The following EPHB1 variants were observed in gnomAD, a reference collection of about 807,000 sequenced individuals.
EPHB1 encodes ephrin type-B receptor 1.
Under a neutral mutation model 94.4 loss-of-function variants are expected in EPHB1, and 30 were observed. The observed-to-expected ratio is 0.32, with a 90% confidence interval of 0.24 to 0.43. The LOEUF (loss-of-function observed/expected upper bound fraction) is 0.43, where lower values mean the gene tolerates loss of function less well. Among genes scored for constraint, EPHB1 ranks in the 20% least tolerant of loss-of-function variants. The pLI, the probability that EPHB1 is intolerant of heterozygous loss-of-function variation, is 1.00. For synonymous variants in EPHB1, 522 were observed against 489.1 expected (o/e 1.07, Z -0.89); for missense variants, 1,055 against 1,308.3 (o/e 0.81, Z 2.99).
intron 1 of EPHB1, chr3:134,823,778 G>T (rs2036425272): frequency 1.3e-5 from 2 of 152,248 alleles, no homozygotes; most frequent in Admixed American, 1.3e-4. Context: ...TCAATACAAA[G>T]AAATTTTATT....
At position 134,951,638 on chromosome 3, in the gene EPHB1, G is replaced by A. The variant is rs1933033845; in HGVS notation, c.391G>A (p.Glu131Lys). The A allele has an allele frequency of 6.2e-7, 1 of 1,613,988 alleles. No homozygotes were observed. The highest frequency in any genetic ancestry group is 8.5e-7 in the Non-Finnish European group (1 of 1,179,998). ...CACCAAGAAGTCAGCCTTCTGGTCT[G>A]AGGCCCCCTACCTCAAAGTAGACAC... ...IATKKSAFWS[E>K]APYLKVDTIA... The change falls in exon 3 of 16, where the codon GAG becomes AAG. Residue 131 changes from glutamate (E) to lysine (K), a missense_variant. Transcript: ENST00000398015. This position sits in a 1 kb window ranked among gnomAD's most constrained non-coding sequence, Gnocchi z 4.5.
intron 1 of EPHB1, among the ~76,000 whole-genome samples, chr3:134,899,569 A>G (rs2038157116): frequency 1.3e-5 from 2 of 152,322 alleles, no homozygotes; most frequent in South Asian, 2.1e-4. Context: ...CTTTCTAAAT[A>G]TAGTGTTTAT....
At chr3:135,196,200 A>G in intron 11 of EPHB1, among the ~76,000 whole-genome samples, 1 of 150,864 alleles carries the variant, frequency 6.6e-6, no homozygotes, top group South Asian at 2.1e-4. Flanking sequence ...TTTTCTTGTA[A>G]ATTTGTTTGA....
At chr3:135,133,245 G>T (rs1940490425) in intron 5 of EPHB1, among the ~76,000 whole-genome samples, 196 bp downstream of exon 5, 1 of 152,258 alleles carries the variant, frequency 6.6e-6, no homozygotes, top group East Asian at 1.9e-4. Flanking sequence ...AGAATGAGCT[G>T]CAGACTAGGG....
chr3:135,105,945 C>T (rs1456272283), intron 3 of EPHB1, among the ~76,000 whole-genome samples: 1 of 152,216 alleles, frequency 6.6e-6, no homozygotes, highest in African/African-American at 2.4e-5. Context: ...TAATACATCT[C>T]ATAGTGTGTT....
rs1320801657 is a variant in EPHB1 at position 135,166,046 on chromosome 3, C to T, written c.1664C>T (p.Ser555Phe). The change falls in exon 8 of 16, where the codon TCC becomes TTC. Residue 555 changes from serine (S) to phenylalanine (F), a missense_variant. Ser to Phe is a radical substitution (Grantham distance 155, BLOSUM62 -2). Coordinates refer to ENST00000398015, the MANE Select transcript of EPHB1 (RefSeq NM_004441.5). ...SAAAGVVFVV[S>F]LVAISIVCSR... is the part of the protein sequence containing the mutation. ...GCGGCCGGGGTCGTGTTCGTTGTGT[C>T]CTTGGTGGCCATCTCTATCGTCTGT... 6.2e-7 allele frequency: 1 copy of T among 1,613,850 alleles called. No individual in the cohort carries two copies. Among genetic ancestry groups the T allele is most frequent in the Admixed American group, 1.7e-5 (1 of 60,016 alleles).
At chr3:135,207,739 C>T (rs777034547) in intron 12 of EPHB1, among the ~76,000 whole-genome samples, 4 of 152,260 alleles carry the variant, frequency 2.6e-5, no homozygotes, top group East Asian at 1.9e-4. Flanking sequence ...GCTTAAACAG[C>T]GGTCATTTAT....
At chr3:134,916,858 C>A (rs2038584913) in intron 1 of EPHB1, among the ~76,000 whole-genome samples, 1 of 152,222 alleles carries the variant, frequency 6.6e-6, no homozygotes, top group South Asian at 2.1e-4. Flanking sequence ...AGAATGGGTG[C>A]TGAGGCCGAG....
intron 3 of EPHB1, among the ~76,000 whole-genome samples, chr3:134,998,691 G>A (rs113881009): frequency 9.8e-5 from 15 of 152,302 alleles, no homozygotes; most frequent in African/African-American, 3.4e-4. Flanking sequence ...TTAATATATT[G>A]CGTTAAATCA....
intron 3 of EPHB1, among the ~76,000 whole-genome samples, chr3:135,010,720 C>T (rs896724251): frequency 7.2e-5 from 11 of 152,130 alleles, no homozygotes; most frequent in African/African-American, 1.2e-4. Flanking sequence ...AGCGCCACCA[C>T]GCCTAGCTAA....
intron 1 of EPHB1, among the ~76,000 whole-genome samples, chr3:134,820,848 TAGTC>T (rs2036366645): frequency 6.6e-6 from 1 of 152,192 alleles, no homozygotes; most frequent in Non-Finnish European, 1.5e-5. Flanking sequence ...GGGTTTGTAT[TAGTC>T]AGAGTTTTCC....
At chr3:135,002,193 C>A (rs253879) in intron 3 of EPHB1, among the ~76,000 whole-genome samples, 31,055 of 151,984 alleles carry the variant, frequency 0.2, 5,549 homozygotes, top group African/African-American at 0.49. Context: ...CCCAAATCTC[C>A]TCTCAAATTG....
At chr3:134,985,294 G>A (rs1934558292) in intron 3 of EPHB1, among the ~76,000 whole-genome samples, 1 of 152,042 alleles carries the variant, frequency 6.6e-6, no homozygotes, top group Admixed American at 6.6e-5. Context: ...GAGTAGCTGG[G>A]ACTACAGGTG....
intron 3 of EPHB1, among the ~76,000 whole-genome samples, chr3:135,039,203 T>C (rs980590591): frequency 1.3e-5 from 2 of 151,544 alleles, no homozygotes; most frequent in Admixed American, 1.3e-4. Flanking sequence ...GACATAAAGG[T>C]TCTCCACGTC....
intron 3 of EPHB1, among the ~76,000 whole-genome samples, chr3:135,088,209 C>A (rs896893876): frequency 6.6e-6 from 1 of 152,084 alleles, no homozygotes; most frequent in Non-Finnish European, 1.5e-5. Flanking sequence ...CAGAATGTCC[C>A]CACCCCCTTA....
chr3:135,100,202 C>G (rs996473256), intron 3 of EPHB1, among the ~76,000 whole-genome samples: 2 of 152,082 alleles, frequency 1.3e-5, no homozygotes, highest in African/African-American at 4.8e-5. Flanking sequence ...GCTCTGACCC[C>G]CTAGACCATG....
At chr3:135,185,087 C>T (rs756499232) in intron 10 of EPHB1, among the ~76,000 whole-genome samples, 3 of 152,220 alleles carry the variant, frequency 2.0e-5, no homozygotes, top group Non-Finnish European at 4.4e-5. Flanking sequence ...TTTGTATTTT[C>T]ATGAATAAAT....
At chr3:135,120,821 G>A (rs1410528011) in intron 4 of EPHB1, among the ~76,000 whole-genome samples, 4 of 152,054 alleles carry the variant, frequency 2.6e-5, no homozygotes, top group Non-Finnish European at 4.4e-5. Flanking sequence ...TCTGATCTGC[G>A]GTCTCTAGAA....
chr3:134,813,126 G>C (rs2036207746), intron 1 of EPHB1, among the ~76,000 whole-genome samples: 1 of 152,164 alleles, frequency 6.6e-6, no homozygotes. Flanking sequence ...CATGGATGGT[G>C]GTTTATGATC....
Sources: allele counts gnomAD v4.1 joint callset (sites outside exome capture counted in the v4.1 genomes callset), GRCh38; gene constraint gnomAD v4.1.1; non-coding constraint Gnocchi (gnomAD v3.1); transcripts MANE v1.5; gene names NCBI Gene and HGNC (gene_info 2026-07-23, HGNC 2026-07-21).